The following DLGAP2 variants were observed in gnomAD, a reference collection of about 807,000 sequenced individuals.
DLGAP2 encodes the protein DLG associated protein 2.
A neutral mutation model predicts 100.3 loss-of-function variants in DLGAP2; 26 were observed. The ratio of observed to expected loss-of-function variants is 0.26; its 90% CI spans 0.19 to 0.36. The LOEUF is 0.36. DLGAP2 is among the 10% of genes least tolerant of loss of function. The pLI, the probability that DLGAP2 is intolerant of heterozygous loss-of-function variation, is 1.00. For synonymous variants in DLGAP2, 886 were observed against 630.1 expected (o/e 1.41, Z -6.08); for missense variants, 1,858 against 1,453.2 (o/e 1.28, Z -4.53).
intron 3 of DLGAP2, among the ~76,000 whole-genome samples, chr8:1,349,112 A>C (rs2117101322): frequency 6.6e-6 from 1 of 151,434 alleles, no homozygotes; most frequent in Non-Finnish European, 1.5e-5. Flanking sequence ...TGCCGTTTTT[A>C]AGGGGCCAGC....
intron 2 of DLGAP2, among the ~76,000 whole-genome samples, chr8:1,005,335 G>A (rs575183763): frequency 3.7e-4 from 56 of 151,904 alleles, no homozygotes; most frequent in Non-Finnish European, 2.8e-4. Flanking sequence ...AGGGAGCCGC[G>A]TCCTTAGCAA....
chr8:1,536,721 T>C (rs7815979), intron 4 of DLGAP2, among the ~76,000 whole-genome samples: 82,774 of 152,058 alleles, frequency 0.54, 22,997 homozygotes, highest in South Asian at 0.71. Flanking sequence ...ATATTCATTT[T>C]GTCTCCCTTT....
intron 2 of DLGAP2, among the ~76,000 whole-genome samples, chr8:1,104,410 C>T (rs1029944382): frequency 2.6e-5 from 4 of 152,188 alleles, no homozygotes; most frequent in African/African-American, 9.7e-5. Flanking sequence ...AGGACCAGCA[C>T]AGTCATGTTA....
intron 10 of DLGAP2, among the ~76,000 whole-genome samples, chr8:1,673,114 A>C (rs1798731335): frequency 6.6e-6 from 1 of 152,056 alleles, no homozygotes; most frequent in South Asian, 2.1e-4. Flanking sequence ...ATTTTTCAAA[A>C]CTTTAAGAGA....
At chr8:1,613,354 G>A (rs947344340) in intron 6 of DLGAP2, among the ~76,000 whole-genome samples, 23 of 150,208 alleles carry the variant, frequency 1.5e-4, no homozygotes, top group African/African-American at 5.6e-4. Context: ...AGAACACGTG[G>A]ACACAGGAAG....
At chr8:1,589,546 C>T (rs1333799556) in intron 6 of DLGAP2, among the ~76,000 whole-genome samples, 1 of 152,234 alleles carries the variant, frequency 6.6e-6, no homozygotes, top group Admixed American at 6.5e-5. Flanking sequence ...CTAATCCTCT[C>T]ACCGCAGCCT....
intron 1 of DLGAP2, among the ~76,000 whole-genome samples, chr8:847,325 C>T (rs537115766): frequency 2.6e-5 from 4 of 152,078 alleles, no homozygotes; most frequent in Non-Finnish European, 5.9e-5. Context: ...TTATGTTTCC[C>T]TTTTCATTGA....
chr8:1,057,792 G>A (rs925538386), intron 2 of DLGAP2, among the ~76,000 whole-genome samples: 3 of 152,134 alleles, frequency 2.0e-5, no homozygotes, highest in Admixed American at 6.5e-5. Flanking sequence ...ACAAAAGGGA[G>A]ATAATCTTTA....
chr8:1,065,051 C>G (rs1803203587), intron 2 of DLGAP2, among the ~76,000 whole-genome samples: 1 of 152,188 alleles, frequency 6.6e-6, no homozygotes, highest in African/African-American at 2.4e-5. Context: ...CTGATTCCCA[C>G]CCACCAAACA....
At chr8:810,261 C>G (rs1796347690) in intron 1 of DLGAP2, among the ~76,000 whole-genome samples, 1 of 152,346 alleles carries the variant, frequency 6.6e-6, no homozygotes, top group South Asian at 2.1e-4. Context: ...CTGATTCTTG[C>G]AATACTTGAC....
chr8:1,271,786 G>T (rs1414388935), intron 3 of DLGAP2, among the ~76,000 whole-genome samples: 2 of 152,096 alleles, frequency 1.3e-5, no homozygotes, highest in Non-Finnish European at 2.9e-5. Context: ...GATCCAATTA[G>T]AATGATTTCT....
At chr8:1,440,032 C>T (rs1449987385) in intron 3 of DLGAP2, among the ~76,000 whole-genome samples, 1 of 152,164 alleles carries the variant, frequency 6.6e-6, no homozygotes, top group African/African-American at 2.4e-5. Flanking sequence ...TGTAAAGATA[C>T]AGATGTGGTT....
chr8:1,417,045 C>A (rs1457075464), intron 3 of DLGAP2, among the ~76,000 whole-genome samples: 1 of 78,462 alleles, frequency 1.3e-5, no homozygotes, highest in Admixed American at 1.1e-4. Flanking sequence ...GGTCCCGCCC[C>A]ACACTGTCCC....
chr8:1,465,527 T>C (rs1410675800), intron 3 of DLGAP2, among the ~76,000 whole-genome samples: 1 of 151,706 alleles, frequency 6.6e-6, no homozygotes, highest in South Asian at 2.1e-4. Flanking sequence ...AGGATACAGG[T>C]GAAGAGATGA....
intron 2 of DLGAP2, among the ~76,000 whole-genome samples, chr8:1,042,478 T>C (rs1802381413): frequency 6.6e-6 from 1 of 152,208 alleles, no homozygotes; most frequent in Non-Finnish European, 1.5e-5. Flanking sequence ...GCCGTAGGCC[T>C]GCAGTCGTGT....
intron 6 of DLGAP2, among the ~76,000 whole-genome samples, chr8:1,566,797 G>A (rs746584639): frequency 6.6e-6 from 1 of 152,220 alleles, no homozygotes; most frequent in Non-Finnish European, 1.5e-5. Context: ...ATTCATCGCT[G>A]TTGGCTTACA....
At chr8:1,273,515 C>T (rs1225500854) in intron 3 of DLGAP2, among the ~76,000 whole-genome samples, 1 of 152,210 alleles carries the variant, frequency 6.6e-6, no homozygotes, top group Non-Finnish European at 1.5e-5. Flanking sequence ...TGCGGCAGTT[C>T]ACGTGCTCAA....
At chr8:1,593,204 C>T (rs1438206929) in intron 6 of DLGAP2, among the ~76,000 whole-genome samples, 1 of 152,084 alleles carries the variant, frequency 6.6e-6, no homozygotes, top group Non-Finnish European at 1.5e-5. Flanking sequence ...CCTGTAATCC[C>T]AGCACTTTAG....
intron 3 of DLGAP2, among the ~76,000 whole-genome samples, chr8:1,457,684 C>T (rs780193582): frequency 1.3e-5 from 2 of 151,938 alleles, no homozygotes; most frequent in Non-Finnish European, 2.9e-5. Context: ...TATTTCTCTT[C>T]CCTCTAATGC....
Sources: allele counts gnomAD v4.1 joint callset (sites outside exome capture counted in the v4.1 genomes callset), GRCh38; gene constraint gnomAD v4.1.1; transcripts MANE v1.5; gene names NCBI Gene and HGNC (gene_info 2026-07-23, HGNC 2026-07-21).